Variants in NEK10 observed in about 807,000 individuals in gnomAD.
NEK10 encodes the protein NIMA related kinase 10, also known as serine/threonine-protein kinase Nek10.
In NEK10, 122 loss-of-function variants were observed where a neutral mutation model predicts 159.8. The ratio of observed to expected loss-of-function variants is 0.76; its 90% CI spans 0.66 to 0.89. The LOEUF (loss-of-function observed/expected upper bound fraction) is 0.89. Among genes scored for constraint, NEK10 ranks in the 40% least tolerant of loss-of-function variants. The pLI is 0.00. For synonymous variants in NEK10, 466 were observed against 457.1 expected (o/e 1.02, Z -0.25); for missense variants, 1,342 against 1,323.1 (o/e 1.01, Z -0.22).
chr3:27,277,542 C>T (rs1296523928), intron 22 of NEK10, among the ~76,000 whole-genome samples: 2 of 152,150 alleles, frequency 1.3e-5, no homozygotes, highest in Non-Finnish European at 2.9e-5. Flanking sequence ...AAGGCTCCTT[C>T]ATCTCTTGCC....
chr3:27,264,269 G>A (rs1472281510), intron 22 of NEK10, among the ~76,000 whole-genome samples: 3 of 151,868 alleles, frequency 2.0e-5, no homozygotes, highest in African/African-American at 7.3e-5. Context: ...AATAGAAGAG[G>A]GAATATTTCC....
intron 25 of NEK10, 81 bp from the exon 26 acceptor site, chr3:27,192,323 C>T: frequency 1.0e-6 from 1 of 963,006 alleles, no homozygotes; most frequent in Non-Finnish European, 1.6e-6. Context: ...AGGTTAAACT[C>T]CACTGTGTGT....
At chr3:27,235,094 T>C (rs1291793607) in intron 23 of NEK10, among the ~76,000 whole-genome samples, 3 of 151,916 alleles carry the variant, frequency 2.0e-5, no homozygotes, top group Non-Finnish European at 2.9e-5. Flanking sequence ...CCCTTTCTTA[T>C]ACCACACACA....
At chr3:27,319,010 G>C (rs182901421) in intron 6 of NEK10, among the ~76,000 whole-genome samples, 1 of 152,182 alleles carries the variant, frequency 6.6e-6, no homozygotes, top group African/African-American at 2.4e-5. Flanking sequence ...ATAAATGCTA[G>C]AGGTTCTCAG....
chr3:27,143,855 C>T (rs1272382244), intron 30 of NEK10, among the ~76,000 whole-genome samples: 4 of 152,152 alleles, frequency 2.6e-5, no homozygotes, highest in African/African-American at 7.2e-5. Flanking sequence ...CACTTCAAAA[C>T]AGTGTTTTTC....
intron 1 of NEK10, among the ~76,000 whole-genome samples, chr3:27,367,341 T>C (rs2049170548): frequency 6.6e-6 from 1 of 152,210 alleles, no homozygotes; most frequent in South Asian, 2.1e-4. Flanking sequence ...AGCTTAGCTC[T>C]TGCACACCAT....
intron 1 of NEK10, among the ~76,000 whole-genome samples, chr3:27,361,394 A>G (rs913521400): frequency 3.3e-5 from 5 of 152,234 alleles, no homozygotes; most frequent in Non-Finnish European, 5.9e-5. Flanking sequence ...AAAAGAGGAA[A>G]AAAGGTCCAG....
intron 13 of NEK10, among the ~76,000 whole-genome samples, 152 bp downstream of exon 13, chr3:27,301,532 TCCAACACTGGGA>T (rs1265338092): frequency 6.6e-6 from 1 of 152,210 alleles, no homozygotes; most frequent in East Asian, 1.9e-4. Flanking sequence ...CATCTGCAAG[TCCAACACTGGGA>T]CCAAGAAGTT....
chr3:27,350,021 G>A (rs886842286), intron 3 of NEK10, among the ~76,000 whole-genome samples: 11 of 152,194 alleles, frequency 7.2e-5, no homozygotes, highest in African/African-American at 2.7e-4. Context: ...TAGAGATCCA[G>A]AGGAAGGGCA....
At chr3:27,280,574 A>T (rs1542152) in intron 22 of NEK10, among the ~76,000 whole-genome samples, 39,077 of 152,148 alleles carry the variant, frequency 0.26, 5,189 homozygotes, top group Middle Eastern at 0.38. Context: ...GACAGCAAAC[A>T]GGCGCACATA....
Position 27,352,486 on chromosome 3 carries a change from G to A in NEK10, c.111C>T (p.Asn37=), listed in dbSNP as rs370705930. 212 of 1,610,974 alleles carry A rather than the reference G, an allele frequency of 1.3e-4. 1 individual carries two copies. The highest frequency in any genetic ancestry group is 2.3e-4 in the Admixed American group (14 of 59,912). ...CTACCTGTTGTTTGCTTGATTGGAC[G>A]TTCAAAAGGCACCGAAGTCTTTTAA... ...SDLKRLRCLL[N]VQSSKQQLPA... The change falls in exon 3 of 36, where the codon AAC becomes AAT. Residue 37 remains asparagine, a synonymous_variant. Transcript: ENST00000691995.
At chr3:27,255,310 A>G in intron 23 of NEK10, 1 of 427,442 alleles carries the variant, frequency 2.3e-6, no homozygotes, top group Non-Finnish European at 4.7e-6. Context: ...AACCACTTTC[A>G]AGAATAAAGA....
At position 27,314,391 on chromosome 3, in the gene NEK10, A is replaced by G. The variant is rs1239467494; in HGVS notation, c.448-53T>C. The G allele has an allele frequency of 3.7e-6, 4 of 1,075,630 alleles. No homozygotes were observed. In the Admixed American group the frequency reaches 5.9e-5, roughly 16 times the overall value. 66.6% of individuals were successfully genotyped at this position (1,075,630 alleles called of 1,614,324 possible). ...TGTAAATGATGAGGGTGGAGGGGGA[A>G]GTATATTTTACATGCAATTTCTTTA... On this transcript the variant is annotated intron_variant, in intron 6 of 35. Transcript: ENST00000691995.
In NEK10 at chr3:27,304,751, G is replaced by GTAAAA; in HGVS notation, c.1019_1023dup (p.Gln342PhefsTer36). ...CCAAAGCCCACTTTTACTCACCCTT[G>GTAAAA]TAAAATATGAAGAAGCTGTTTGATG... On this transcript the variant is annotated frameshift_variant, in exon 12 of 36. Coordinates refer to ENST00000691995, the MANE Select transcript of NEK10 (RefSeq NM_001394966.1). LOFTEE classifies it high-confidence loss of function. 6.2e-7 allele frequency: 1 copy of GTAAAA among 1,609,612 alleles called. No individual in the cohort carries two copies. The highest frequency in any genetic ancestry group is 8.5e-7 in the Non-Finnish European group (1 of 1,176,004).
At chr3:27,339,950 T>A (rs2047085321) in intron 5 of NEK10, among the ~76,000 whole-genome samples, 1 of 152,156 alleles carries the variant, frequency 6.6e-6, no homozygotes, top group South Asian at 2.1e-4. Flanking sequence ...GACAGCATGG[T>A]AATTCCTCAA....
At chr3:27,367,482 A>T (rs2049180816) in intron 1 of NEK10, 1 of 152,260 alleles carries the variant, frequency 6.6e-6, no homozygotes, top group Non-Finnish European at 1.5e-5. Flanking sequence ...TTGAAATTAA[A>T]GTAAAACCTG....
intron 35 of NEK10, among the ~76,000 whole-genome samples, chr3:27,113,653 T>C (rs2125405236): frequency 6.6e-6 from 1 of 152,280 alleles, no homozygotes; most frequent in African/African-American, 2.4e-5. Flanking sequence ...AGGCATCTTA[T>C]TATCTGTTTA....
chr3:27,238,370 T>G (rs900000037), intron 23 of NEK10, among the ~76,000 whole-genome samples: 3 of 152,184 alleles, frequency 2.0e-5, no homozygotes, highest in Admixed American at 2.0e-4. Flanking sequence ...GTTTTTTCCA[T>G]TTCTGGGTTA....
chr3:27,305,150 C>G (rs2044137593), intron 11 of NEK10, among the ~76,000 whole-genome samples, 179 bp from the exon 12 acceptor site: 1 of 152,238 alleles, frequency 6.6e-6, no homozygotes, highest in Non-Finnish European at 1.5e-5. Context: ...GCTTTACTAA[C>G]TGTACAATCT....
Sources: gnomAD v4.1 joint callset for allele counts (sites outside exome capture counted in the v4.1 genomes callset) on GRCh38, gnomAD v4.1.1 for gene constraint, MANE v1.5 for transcripts, NCBI Gene and HGNC (gene_info 2026-07-23, HGNC 2026-07-21) for gene names.